SYCP2L: variants seen among roughly 807,000 people sequenced by gnomAD.
SYCP2L encodes synaptonemal complex protein 2-like.
In SYCP2L, 98 loss-of-function variants were observed where a neutral mutation model predicts 125.8. The ratio of observed to expected loss-of-function variants is 0.78; its 90% CI spans 0.66 to 0.92. SYCP2L has a LOEUF of 0.92. SYCP2L is among the 40% of genes least tolerant of loss of function. SYCP2L has a pLI of 0.00. For synonymous variants in SYCP2L, 317 were observed against 325.4 expected (o/e 0.97, Z 0.28); for missense variants, 842 against 936.4 (o/e 0.90, Z 1.32).
At chr6:10,935,842 C>G (rs2113367012) in intron 21 of SYCP2L, among the ~76,000 whole-genome samples, 1 of 152,224 alleles carries the variant, frequency 6.6e-6, no homozygotes, top group Non-Finnish European at 1.5e-5. Context: ...GCAGTTGTTG[C>G]ACAAAATTGG....
rs192659876 is a variant in SYCP2L at position 10,956,484 on chromosome 6, A to G, written c.2163+242A>G. 3.0e-4 allele frequency among the ~76,000 whole-genome samples: 45 copies of G among 152,360 alleles called. 1 individual carries two copies. In the East Asian group the frequency reaches 5.0e-3, roughly 17 times the overall value. On this transcript the variant is annotated intron_variant, in intron 25 of 29. Coordinates refer to ENST00000283141, the MANE Select transcript of SYCP2L (RefSeq NM_001040274.3). The stretch of plus-strand genomic sequence containing the variant: ...AATAAGTTCTGGAGACCTAACATAC[A>G]GCATGGTGACTATAGTTAGTAATAA...
chr6:10,930,632 CTT>C (rs1227178322), intron 19 of SYCP2L, 118 bp downstream of exon 19: 20 of 1,188,326 alleles, frequency 1.7e-5, no homozygotes, highest in Non-Finnish European at 2.1e-5. Flanking sequence ...ATGGGGCCAG[CTT>C]TCCCTGCTAC....
chr6:10,917,288 T>G (rs1780709296), intron 14 of SYCP2L, among the ~76,000 whole-genome samples: 3 of 152,218 alleles, frequency 2.0e-5, no homozygotes. Context: ...TCTCATTTCT[T>G]AAGTCTATTA....
chr6:10,896,757 T>C (rs1315066855), intron 4 of SYCP2L, among the ~76,000 whole-genome samples: 3 of 152,162 alleles, frequency 2.0e-5, no homozygotes, highest in African/African-American at 7.2e-5. Context: ...AAACCTAAAA[T>C]AGAAAACTCA....
chr6:10,960,441 A>G (rs1417044220), intron 26 of SYCP2L, among the ~76,000 whole-genome samples: 4 of 152,122 alleles, frequency 2.6e-5, no homozygotes, highest in Admixed American at 6.5e-5. Flanking sequence ...TTGGTATGAG[A>G]GTGAGGTGAG....
chr6:10,956,070 T>C, intron 24 of SYCP2L, 66 bp from the exon 25 acceptor site: 1 of 1,319,228 alleles, frequency 7.6e-7, no homozygotes, highest in East Asian at 2.4e-5. Flanking sequence ...GGGCAACTGA[T>C]GAATTGAGCA....
Position 10,907,892 on chromosome 6 carries a change from G to GTTTTTTTTTTGTTTTTT in SYCP2L, c.819+218_819+219insGTTTTTTTTTTTTTTTT, listed in dbSNP as rs1780526954. On this transcript the variant is annotated intron_variant, in intron 10 of 29. Transcript: ENST00000283141. ...GAGCTAGATATAGGGATACAGATAGGTTTTTTTTTTTTTTTTTTGACAGAG... is the reference window on the plus strand; with the variant it reads ...GAGCTAGATATAGGGATACAGATAGGTTTTTTTTTTGTTTTTTTTTTTTTTTTTTTTTTTTGACAGAG... Among the ~76,000 whole-genome samples the GTTTTTTTTTTGTTTTTT allele has an allele frequency of 2.2e-5, 2 of 91,922 alleles. 1 individual carries two copies. The highest frequency in any genetic ancestry group is 8.3e-5 in the African/African-American group (2 of 24,114). 60.3% of individuals were successfully genotyped at this position (91,922 alleles called of 152,430 possible). A position where few individuals can be genotyped will look rare whatever the true frequency, so the allele number is the denominator to read the frequency against.
chr6:10,903,262 A>G (rs984507133), intron 8 of SYCP2L, among the ~76,000 whole-genome samples: 13 of 151,848 alleles, frequency 8.6e-5, no homozygotes, highest in Non-Finnish European at 1.8e-4. Flanking sequence ...GCAAAACCCC[A>G]TCTCGGCCAG....
intron 28 of SYCP2L, among the ~76,000 whole-genome samples, chr6:10,963,032 T>C (rs1451892744): frequency 6.6e-6 from 1 of 152,226 alleles, no homozygotes; most frequent in Non-Finnish European, 1.5e-5. Context: ...TTATATCCCC[T>C]AGTCTTCTGA....
In SYCP2L at chr6:10,924,412, A is replaced by G. The variant is rs1316020014; in HGVS notation, c.1073-84A>G. 1.2e-5 allele frequency: 14 copies of G among 1,122,716 alleles called. No homozygotes were observed. In the East Asian group the frequency reaches 3.9e-4, roughly 32 times the overall value. 69.5% of individuals were successfully genotyped at this position (1,122,716 alleles called of 1,614,324 possible). A position where few individuals can be genotyped will look rare whatever the true frequency, so the allele number is the denominator to read the frequency against. On this transcript the variant is annotated intron_variant, in intron 14 of 29. Transcript: ENST00000283141. ...ACAGAAAAATCTGGACAAATACCCTAGCGTAGTTATTTAAAATGATAAAAT... is the reference window on the plus strand; with the variant it reads ...ACAGAAAAATCTGGACAAATACCCTGGCGTAGTTATTTAAAATGATAAAAT...
intron 26 of SYCP2L, among the ~76,000 whole-genome samples, chr6:10,960,285 T>A (rs564664070): frequency 6.6e-6 from 1 of 152,324 alleles, no homozygotes; most frequent in East Asian, 1.9e-4. Flanking sequence ...AAGTCTGGTG[T>A]GCATGCAATG....
rs1780865642 is a variant in SYCP2L, at chr6:10,924,570, A to G, written c.1147A>G (p.Ile383Val). The change falls in exon 15 of 30, where the codon ATA (isoleucine) becomes GTA (valine). Residue 383 changes from isoleucine to valine, a missense_variant. Transcript: ENST00000283141. The part of the protein sequence containing the change: ...MIISYKEVMK[I>V]EIHFDLQFNI... ...TATCAGCTACAAAGAAGTCATGAAAATAGAAATCCATTTTGATTTGCAGTT... is the reference window on the plus strand; with the variant it reads ...TATCAGCTACAAAGAAGTCATGAAAGTAGAAATCCATTTTGATTTGCAGTT... 16 of 1,606,094 alleles carry G rather than the reference A, an allele frequency of 1.0e-5. No individual in the cohort carries two copies. The highest frequency in any genetic ancestry group is 1.4e-5 in the Non-Finnish European group (16 of 1,178,042).
At chr6:10,952,397 A>G (rs1358002542) in intron 23 of SYCP2L, among the ~76,000 whole-genome samples, 1 of 152,204 alleles carries the variant, frequency 6.6e-6, no homozygotes, top group Non-Finnish European at 1.5e-5. Flanking sequence ...TAGTAGGTTC[A>G]CAAATTCCGC....
chr6:10,893,498 T>C (rs1465204837), intron 2 of SYCP2L, among the ~76,000 whole-genome samples: 2 of 152,210 alleles, frequency 1.3e-5, no homozygotes, highest in Non-Finnish European at 2.9e-5. Context: ...CCAACATTGC[T>C]GAGGATCTTC....
At chr6:10,891,241 A>C (rs1780166177) in intron 1 of SYCP2L, among the ~76,000 whole-genome samples, 1 of 152,056 alleles carries the variant, frequency 6.6e-6, no homozygotes, top group Non-Finnish European at 1.5e-5. Context: ...ATTTTGTGTG[A>C]TTATTTATTC....
At chr6:10,922,505 G>T (rs112400479) in intron 14 of SYCP2L, among the ~76,000 whole-genome samples, 1 of 145,752 alleles carries the variant, frequency 6.9e-6, no homozygotes, top group Admixed American at 7.0e-5. Flanking sequence ...TCACTCTGTC[G>T]TCCAGGCTGG....
chr6:10,888,135 C>T (rs989716870), intron 1 of SYCP2L, among the ~76,000 whole-genome samples: 1 of 114,126 alleles, frequency 8.8e-6, no homozygotes, highest in East Asian at 2.9e-4. Context: ...CTCATTCTGT[C>T]GCCCAGGCTG....
At chr6:10,892,631 A>G (rs928601770) in intron 2 of SYCP2L, among the ~76,000 whole-genome samples, 1 of 152,090 alleles carries the variant, frequency 6.6e-6, no homozygotes, top group African/African-American at 2.4e-5. Context: ...AAGGGAGTGA[A>G]TTTCAGCTGA....
intron 6 of SYCP2L, among the ~76,000 whole-genome samples, chr6:10,899,704 A>C (rs762092540): frequency 6.6e-6 from 1 of 152,224 alleles, no homozygotes; most frequent in Non-Finnish European, 1.5e-5. Context: ...TTGACACTAC[A>C]TTCTGCAATG....
Sources: gnomAD v4.1 joint callset for allele counts (sites outside exome capture counted in the v4.1 genomes callset) on GRCh38, gnomAD v4.1.1 for gene constraint, MANE v1.5 for transcripts, NCBI Gene and HGNC (gene_info 2026-07-23, HGNC 2026-07-21) for gene names.